The following PCOLCE variants were observed in gnomAD, a reference collection of about 807,000 sequenced individuals.
PCOLCE encodes procollagen C-endopeptidase enhancer, also known as procollagen C-endopeptidase enhancer 1.
PCOLCE carries 33 observed loss-of-function variants against 47.2 expected under a neutral mutation model. The observed-to-expected ratio is 0.70, with a 90% CI of 0.53 to 0.93. The LOEUF (loss-of-function observed/expected upper bound fraction) is 0.93. Ranked by LOEUF, PCOLCE falls within the 40% of genes least tolerant of loss-of-function variation. The probability of loss-of-function intolerance (pLI) is 0.00; values close to 1 mark genes in which losing one functional copy is unlikely to be tolerated. For synonymous variants in PCOLCE, 254 were observed against 252.5 expected (o/e 1.01, Z -0.06); for missense variants, 584 against 585.3 (o/e 1.00, Z 0.02).
At chr7:100,606,068 C>T in intron 5 of PCOLCE, 1 of 562,036 alleles carries the variant, frequency 1.8e-6, no homozygotes. Flanking sequence ...GTGGCTCATG[C>T]CTGTAATCAT....
Position 100,605,027 on chromosome 7 carries a change from TTCTCCTGAAGCTGACCGAGGG to T in PCOLCE, c.464-58_464-38del, listed in dbSNP as rs1236374966. On this transcript the variant is annotated intron_variant, in intron 3 of 8. Coordinates refer to ENST00000223061, the MANE Select transcript of PCOLCE (RefSeq NM_002593.4). The surrounding 1 kb of genome is among the most constrained non-coding windows in gnomAD (Gnocchi z 6.1). ...GCCTGCCGGGGCTCCCAGCCTAGAG[TTCTCCTGAAGCTGACCGAGGG>T]TCTCCACCGCCCCCCACCCCCGCTC... The T allele has an allele frequency of 2.3e-6, 3 of 1,278,636 alleles. No homozygotes were observed. In the African/African-American group the frequency reaches 4.4e-5, roughly 19 times the overall value. 79.2% of individuals were successfully genotyped at this position (1,278,636 alleles called of 1,614,324 possible). A position where few individuals can be genotyped will look rare whatever the true frequency, so the allele number is the denominator to read the frequency against.
chr7:100,603,809 A>C, intron 2 of PCOLCE, 150 bp from the exon 3 acceptor site: 1 of 841,760 alleles, frequency 1.2e-6, no homozygotes, highest in Non-Finnish European at 1.8e-6. Flanking sequence ...GCAGAGCTGC[A>C]GAGACCAGGC....
chr7:100,606,140 G>A (rs1440882176), intron 5 of PCOLCE: 2 of 528,270 alleles, frequency 3.8e-6, no homozygotes, highest in Non-Finnish European at 6.8e-6. Flanking sequence ...ACCAGCCTGG[G>A]CAACATGGCG....
At position 100,604,291 on chromosome 7, in the gene PCOLCE, C is replaced by A. The variant is rs1161051166; in HGVS notation, c.463+74C>A. ...GCCGCAGCCCCGCCCCCAGCCCTAA[C>A]CTCCGCCCCGCCCACCCCGCGCCCC... is the stretch of plus-strand genomic sequence containing the variant. On this transcript the variant is annotated intron_variant, in intron 3 of 8. Transcript: ENST00000223061. This position sits in a 1 kb window ranked among gnomAD's most constrained non-coding sequence, Gnocchi z 6.4. 2 of 1,347,386 alleles carry A rather than the reference C, an allele frequency of 1.5e-6. No individual in the cohort carries two copies. The allele number at this position is 1,347,386 out of a possible 1,614,324, so 83.5% of individuals were successfully genotyped here.
intron 2 of PCOLCE, chr7:100,603,747 G>A: frequency 1.6e-6 from 1 of 617,878 alleles, no homozygotes; most frequent in South Asian, 2.0e-5. Flanking sequence ...CCAGTCCCCG[G>A]CCCTCCCTCC....
At position 100,604,405 on chromosome 7, in the gene PCOLCE, G is replaced by A. The variant is rs1802674447; in HGVS notation, c.463+188G>A. The A allele has an allele frequency of 6.7e-6, 4 of 597,390 alleles. No homozygotes were observed. Among genetic ancestry groups the A allele is most frequent in the South Asian group, 5.9e-5 (3 of 50,770 alleles). The allele number at this position is 597,390 out of a possible 1,614,324, so 37.0% of individuals were successfully genotyped here. On this transcript the variant is annotated intron_variant, in intron 3 of 8. Transcript: ENST00000223061. This position sits in a 1 kb window ranked among gnomAD's most constrained non-coding sequence, Gnocchi z 6.4. ...TCCCCGTCTTCTCTCCCCTCCTCCCGCACCCACCCATCCCTCTTCCAGGGC... is the reference window on the plus strand; with the variant it reads ...TCCCCGTCTTCTCTCCCCTCCTCCCACACCCACCCATCCCTCTTCCAGGGC...
At chr7:100,606,958 G>GTACA (rs1450814265) in intron 6 of PCOLCE, among the ~76,000 whole-genome samples, 1 of 151,968 alleles carries the variant, frequency 6.6e-6, no homozygotes, top group Non-Finnish European at 1.5e-5. Context: ...AGGTGTGGTG[G>GTACA]TACACACCTG....
chr7:100,602,711 C>T (rs939073892), intron 1 of PCOLCE, 160 bp downstream of exon 1: 3 of 615,668 alleles, frequency 4.9e-6, no homozygotes, highest in East Asian at 5.5e-5. Flanking sequence ...TCCCCATCTG[C>T]TGCAAGACCT....
intron 5 of PCOLCE, 146 bp from the exon 6 acceptor site, chr7:100,606,270 A>G (rs1802714640): frequency 1.6e-6 from 1 of 609,200 alleles, no homozygotes. Context: ...TCAAGGCTGC[A>G]GTAAGCCTAG....
rs1227931249 is a variant in PCOLCE, at chr7:100,604,098, T to A, written c.344T>A (p.Phe115Tyr). ...GQRLGRFCGT[F>Y]RPAPLVAPGN... ...CGGCTCGGACGCTTTTGTGGGACCT[T>A]CCGGCCTGCGCCCCTAGTCGCCCCC... The change falls in exon 3 of 9, where the codon TTC becomes TAC. Residue 115 changes from phenylalanine to tyrosine, a missense_variant. Physicochemically the swap from Phe to Tyr is conservative, Grantham distance 22. Coordinates refer to ENST00000223061, the MANE Select transcript of PCOLCE (RefSeq NM_002593.4). This position sits in a 1 kb window ranked among gnomAD's most constrained non-coding sequence, Gnocchi z 6.4. The A allele has an allele frequency of 6.2e-7, 1 of 1,610,532 alleles. No individual in the cohort carries two copies. The highest frequency in any genetic ancestry group is 1.7e-5 in the Admixed American group (1 of 60,024).
Position 100,607,501 on chromosome 7 carries a change from C to G in PCOLCE, c.990C>G (p.Ser330Arg). 6.2e-7 allele frequency: 1 copy of G among 1,614,112 alleles called. No individual in the cohort carries two copies. The highest frequency in any genetic ancestry group is 8.5e-7 in the Non-Finnish European group (1 of 1,179,978). The stretch of plus-strand genomic sequence containing the variant: ...GCCGCCGGACAGGCACCTTGCAGAG[C>G]AACTTCTGTGCCAGCAGCCTTGGTA... ...KQCRRTGTLQ[S>R]NFCASSLVVT... is the part of the protein sequence containing the mutation. Residue 330 changes from serine to arginine, a missense_variant, in exon 7 of 9, where the codon AGC becomes AGG. By Grantham distance (110) the Ser-to-Arg change is moderately radical. Coordinates refer to ENST00000223061, the MANE Select transcript of PCOLCE (RefSeq NM_002593.4).
Position 100,604,091 on chromosome 7 carries a change from G to A in PCOLCE, c.337G>A (p.Gly113Arg). 1 of 1,610,034 alleles carries A rather than the reference G, an allele frequency of 6.2e-7. No homozygotes were observed. Among genetic ancestry groups the A allele is most frequent in the Non-Finnish European group, 8.5e-7 (1 of 1,179,988 alleles). The change falls in exon 3 of 9, where the codon GGG (glycine) becomes AGG (arginine). Residue 113 changes from glycine (G) to arginine (R), a missense_variant. Transcript: ENST00000223061. The surrounding 1 kb of genome is among the most constrained non-coding windows in gnomAD (Gnocchi z 6.4). ...TSGQRLGRFCGTFRPAPLVAP... is the reference protein window; with the variant it reads ...TSGQRLGRFCRTFRPAPLVAP... Reference sequence around the variant, plus strand: ...CGGCCAGCGGCTCGGACGCTTTTGTGGGACCTTCCGGCCTGCGCCCCTAGT... The same window carrying A: ...CGGCCAGCGGCTCGGACGCTTTTGTAGGACCTTCCGGCCTGCGCCCCTAGT...
chr7:100,605,040 G>T lies in PCOLCE; in HGVS notation c.464-51G>T. On this transcript the variant is annotated intron_variant, in intron 3 of 8. Transcript: ENST00000223061. This position sits in a 1 kb window ranked among gnomAD's most constrained non-coding sequence, Gnocchi z 6.1. ...CCCAGCCTAGAGTTCTCCTGAAGCT[G>T]ACCGAGGGTCTCCACCGCCCCCCAC... The T allele has an allele frequency of 6.9e-7, 1 of 1,447,070 alleles. No individual in the cohort carries two copies. The highest frequency in any genetic ancestry group is 1.2e-5 in the South Asian group (1 of 85,148). The allele number at this position is 1,447,070 out of a possible 1,614,324, so 89.6% of individuals were successfully genotyped here. A position where few individuals can be genotyped will look rare whatever the true frequency, so the allele number is the denominator to read the frequency against.
chr7:100,606,069 C>G, intron 5 of PCOLCE: 1 of 561,906 alleles, frequency 1.8e-6, no homozygotes, highest in South Asian at 2.1e-5. Context: ...TGGCTCATGC[C>G]TGTAATCATA....
chr7:100,606,598 C>T lies in PCOLCE; in HGVS notation c.908C>T (p.Pro303Leu), dbSNP rs757343252. ...AAGCTGCCCCCCAAGTCCCAACCTC[C>T]GGAGAAAACAGAGGAATCTCCTTCA... ...KVKLPPKSQP[P>L]EKTEESPSAP... is the part of the protein sequence containing the mutation. Residue 303 changes from proline (P) to leucine (L), a missense_variant, in exon 6 of 9, where the codon CCG (proline) becomes CTG (leucine). Transcript: ENST00000223061. 2.0e-5 allele frequency: 32 copies of T among 1,612,638 alleles called. No homozygotes were observed. Among genetic ancestry groups the T allele is most frequent in the South Asian group, 5.5e-5 (5 of 91,028 alleles).
chr7:100,603,400 C>A, intron 1 of PCOLCE, 30 bp from the exon 2 acceptor site: 2 of 1,212,382 alleles, frequency 1.6e-6, no homozygotes, highest in South Asian at 1.3e-5. Flanking sequence ...CCCGTCCCTG[C>A]TCTTTCCTGA....
Position 100,605,760 on chromosome 7 carries a change from G to T in PCOLCE, c.673G>T (p.Val225Leu), listed in dbSNP as rs1406682184. The change falls in exon 5 of 9, where the codon GTG (valine) becomes TTG (leucine). Residue 225 changes from valine (V) to leucine (L), a missense_variant. Coordinates refer to ENST00000223061, the MANE Select transcript of PCOLCE (RefSeq NM_002593.4). This position sits in a 1 kb window ranked among gnomAD's most constrained non-coding sequence, Gnocchi z 6.1. ...YDSVSVFNGA[V>L]SDDSRRLGKF... The stretch of plus-strand genomic sequence containing the variant: ...CTCGGTCAGCGTGTTCAACGGAGCC[G>T]TGAGCGACGACTCCCGGAGGCTGGG... 1 of 1,560,038 alleles carries T rather than the reference G, an allele frequency of 6.4e-7. No homozygotes were observed. The highest frequency in any genetic ancestry group is 8.7e-7 in the Non-Finnish European group (1 of 1,151,910).
At position 100,607,716 on chromosome 7, in the gene PCOLCE, T is replaced by C; in HGVS notation, c.1092T>C (p.Tyr364=). The change falls in exon 8 of 9, where the codon TAT becomes TAC. Residue 364 remains tyrosine, a synonymous_variant. Coordinates refer to ENST00000223061, the MANE Select transcript of PCOLCE (RefSeq NM_002593.4). ...LAVTVSLIGA[Y]KTGGLDLPSP... is the part of the protein sequence containing the mutation. ...TGACTGTCAGTCTTATTGGTGCTTA[T>C]AAAACTGGAGGACTGGACCTGCCTT... is the stretch of plus-strand genomic sequence containing the variant. The C allele has an allele frequency of 2.5e-6, 4 of 1,614,100 alleles. No individual in the cohort carries two copies. The highest frequency in any genetic ancestry group is 3.4e-6 in the Non-Finnish European group (4 of 1,180,002).
rs779524986 is a variant in PCOLCE at position 100,605,218 on chromosome 7, A to G, written c.588+3A>G. The G allele has an allele frequency of 1.2e-6, 2 of 1,610,294 alleles. No homozygotes were observed. Among genetic ancestry groups the G allele is most frequent in the Admixed American group, 3.3e-5 (2 of 59,866 alleles). On this transcript the variant is annotated splice_donor_region_variant and intron_variant, in intron 4 of 8. Transcript: ENST00000223061. This position sits in a 1 kb window ranked among gnomAD's most constrained non-coding sequence, Gnocchi z 6.1. ...ACATCATCGCGCCCCCGGACCAGGT[A>G]CCGACCCTCCTCCCCGGGCTGCCCT... is the stretch of plus-strand genomic sequence containing the variant.
Sources: allele counts gnomAD v4.1 joint callset (sites outside exome capture counted in the v4.1 genomes callset), GRCh38; gene constraint gnomAD v4.1.1; non-coding constraint Gnocchi (gnomAD v3.1); transcripts MANE v1.5; gene names NCBI Gene and HGNC (gene_info 2026-07-23, HGNC 2026-07-21).